MACROD2: variants seen among roughly 807,000 people sequenced by gnomAD.
MACROD2 encodes ADP-ribose glycohydrolase MACROD2.
Under a neutral mutation model 70.4 loss-of-function variants are expected in MACROD2, and 36 were observed. That is an observed-to-expected ratio of 0.51 (90% CI 0.39 to 0.68). The LOEUF (loss-of-function observed/expected upper bound fraction) is 0.68. MACROD2 is among the 30% of genes least tolerant of loss of function. MACROD2 has a pLI of 0.00. For synonymous variants in MACROD2, 172 were observed against 178.8 expected (o/e 0.96, Z 0.30); for missense variants, 496 against 538.4 (o/e 0.92, Z 0.78).
At chr20:14,596,129 A>G (rs996690952) in intron 4 of MACROD2, among the ~76,000 whole-genome samples, 3 of 151,744 alleles carry the variant, frequency 2.0e-5, no homozygotes, top group East Asian at 3.9e-4. Flanking sequence ...TCTGTGGCCC[A>G]GGCTGGAGTG....
At chr20:14,971,015 G>C (rs751660646) in intron 5 of MACROD2, among the ~76,000 whole-genome samples, 4 of 152,166 alleles carry the variant, frequency 2.6e-5, no homozygotes, top group Admixed American at 6.5e-5. Context: ...CTTTGTATCA[G>C]TGAGGGATTG....
chr20:15,649,283 T>A (rs1215688894), intron 8 of MACROD2, among the ~76,000 whole-genome samples: 1 of 150,102 alleles, frequency 6.7e-6, no homozygotes, highest in East Asian at 2.0e-4. Context: ...TTAAATCGGA[T>A]AGCATTGTTA....
At chr20:15,684,339 G>T (rs1031173997) in intron 8 of MACROD2, among the ~76,000 whole-genome samples, 3 of 152,196 alleles carry the variant, frequency 2.0e-5, no homozygotes, top group Non-Finnish European at 4.4e-5. Flanking sequence ...AAAGACATAG[G>T]TTGAATCAGA....
At chr20:15,436,406 A>G (rs1186589708) in intron 7 of MACROD2, among the ~76,000 whole-genome samples, 1 of 150,208 alleles carries the variant, frequency 6.7e-6, no homozygotes. Context: ...AGACCCATTA[A>G]CTATCACAAC....
At chr20:15,187,912 G>A (rs2076544209) in intron 5 of MACROD2, among the ~76,000 whole-genome samples, 1 of 152,068 alleles carries the variant, frequency 6.6e-6, no homozygotes, top group African/African-American at 2.4e-5. Context: ...AAAAAGTTGT[G>A]TTTTTCTTCC....
intron 3 of MACROD2, among the ~76,000 whole-genome samples, chr20:14,183,204 C>T (rs2081318608): frequency 6.6e-6 from 1 of 151,514 alleles, no homozygotes; most frequent in Non-Finnish European, 1.5e-5. Context: ...TGATAGGCCC[C>T]AGTGTGTGTT....
intron 6 of MACROD2, among the ~76,000 whole-genome samples, chr20:15,370,031 G>A (rs376111881): frequency 6.6e-6 from 1 of 152,056 alleles, no homozygotes; most frequent in African/African-American, 2.4e-5. Flanking sequence ...GAAAATGCAT[G>A]CCAAGATGAA....
intron 6 of MACROD2, among the ~76,000 whole-genome samples, chr20:15,379,443 A>G (rs945397726): frequency 2.6e-5 from 4 of 152,078 alleles, no homozygotes; most frequent in Non-Finnish European, 5.9e-5. Flanking sequence ...TTACGTAGGC[A>G]TATGAAAATC....
intron 5 of MACROD2, among the ~76,000 whole-genome samples, chr20:14,733,012 G>A (rs533221642): frequency 2.0e-4 from 30 of 152,228 alleles, no homozygotes; most frequent in Admixed American, 1.2e-3. Flanking sequence ...AATTGAAATC[G>A]AATTTCAGTT....
chr20:15,230,930 G>A (rs1311939991), intron 6 of MACROD2, among the ~76,000 whole-genome samples: 2 of 151,976 alleles, frequency 1.3e-5, no homozygotes, highest in Non-Finnish European at 2.9e-5. Context: ...TGAAATTGTG[G>A]GGCAGAAAAA....
intron 5 of MACROD2, among the ~76,000 whole-genome samples, chr20:15,165,055 A>T (rs1047568953): frequency 1.1e-4 from 17 of 152,246 alleles, no homozygotes; most frequent in African/African-American, 3.6e-4. Context: ...AGAAATAGCA[A>T]TGAAATATCT....
intron 3 of MACROD2, among the ~76,000 whole-genome samples, chr20:14,110,419 T>C (rs1489664200): frequency 1.3e-5 from 2 of 151,924 alleles, no homozygotes; most frequent in East Asian, 1.9e-4. Context: ...GGCTTCCAAA[T>C]TGGAAAGAAA....
At chr20:14,508,276 C>G (rs1248863849) in intron 4 of MACROD2, among the ~76,000 whole-genome samples, 1 of 152,160 alleles carries the variant, frequency 6.6e-6, no homozygotes, top group Non-Finnish European at 1.5e-5. Flanking sequence ...GGGAGATTTT[C>G]TTTTCTCTTT....
chr20:14,341,224 T>C (rs2122662010), intron 3 of MACROD2, among the ~76,000 whole-genome samples: 1 of 152,384 alleles, frequency 6.6e-6, no homozygotes, highest in Admixed American at 6.5e-5. Context: ...TCTCCAACTA[T>C]GAAGTTCTGA....
At chr20:14,154,810 G>C (rs2055076827) in intron 3 of MACROD2, among the ~76,000 whole-genome samples, 1 of 152,046 alleles carries the variant, frequency 6.6e-6, no homozygotes, top group Non-Finnish European at 1.5e-5. Context: ...ATCTTCCCTT[G>C]GGCCACAAGC....
Position 16,052,371 on chromosome 20 carries a change from T to A in MACROD2, c.*2495T>A, listed in dbSNP as rs1330470275. 1 of 152,192 alleles carries A rather than the reference T, an allele frequency of 6.6e-6. No individual in the cohort carries two copies. Among genetic ancestry groups the A allele is most frequent in the Non-Finnish European group, 1.5e-5 (1 of 68,036 alleles). 9.4% of individuals were successfully genotyped at this position (152,192 alleles called of 1,614,324 possible). ...GAAATAGATTTGAAAAGCTGATTGA[T>A]TTTCCCGCACATAAATTCTGGATGT... On this transcript the variant is annotated 3_prime_UTR_variant, in exon 18 of 18. Coordinates refer to ENST00000684519, the MANE Select transcript of MACROD2 (RefSeq NM_001351661.2).
chr20:14,677,044 C>G (rs1235109251), intron 4 of MACROD2, among the ~76,000 whole-genome samples: 10 of 152,142 alleles, frequency 6.6e-5, no homozygotes, highest in Non-Finnish European at 1.3e-4. Context: ...ACATTCATTA[C>G]TGTACAGTAC....
intron 8 of MACROD2, among the ~76,000 whole-genome samples, chr20:15,774,614 G>T (rs907140162): frequency 5.3e-5 from 8 of 152,052 alleles, no homozygotes; most frequent in Non-Finnish European, 1.2e-4. Context: ...TACCTAACTG[G>T]AGAGTGAACC....
intron 8 of MACROD2, among the ~76,000 whole-genome samples, chr20:15,545,748 A>G (rs1428733104): frequency 1.3e-5 from 2 of 152,052 alleles, no homozygotes; most frequent in East Asian, 1.9e-4. Context: ...ATCAATACCT[A>G]GCTTTGCCAT....
Sources: gnomAD v4.1 joint callset for allele counts (sites outside exome capture counted in the v4.1 genomes callset) on GRCh38, gnomAD v4.1.1 for gene constraint, MANE v1.5 for transcripts, NCBI Gene and HGNC (gene_info 2026-07-23, HGNC 2026-07-21) for gene names.